Variants in PRELID2 observed in about 807,000 individuals in gnomAD.
The protein encoded by PRELID2 is PRELI domain containing 2, also known as PRELI domain-containing protein 2.
Under a neutral mutation model 28.4 loss-of-function variants are expected in PRELID2, and 25 were observed. That is an observed-to-expected ratio of 0.88 (90% CI 0.64 to 1.23). The LOEUF (loss-of-function observed/expected upper bound fraction) is 1.23. PRELID2 is among the 50% of genes most tolerant of loss of function. PRELID2 has a pLI of 0.00. For synonymous variants in PRELID2, 76 were observed against 71.6 expected (o/e 1.06, Z -0.31); for missense variants, 201 against 214.4 (o/e 0.94, Z 0.39).
chr5:145,236,952 G>A, the PRELID2 span, among the ~76,000 whole-genome samples: 4 of 152,120 alleles, frequency 2.6e-5, no homozygotes, highest in Non-Finnish European at 4.4e-5. Flanking sequence ...ACTCATTTTG[G>A]TTATCAATCC....
intron 1 of PRELID2, among the ~76,000 whole-genome samples, chr5:145,823,711 T>C (rs1045884323): frequency 3.9e-5 from 6 of 152,200 alleles, no homozygotes; most frequent in African/African-American, 9.7e-5. Context: ...CACAGTAGCA[T>C]AGTCATAGAA....
rs181341199 is a variant in PRELID2, at chr5:145,576,997, C to T, written n.71-103682G>A. Among the ~76,000 whole-genome samples the T allele has an allele frequency of 9.2e-5, 14 of 152,200 alleles. 1 individual carries two copies. The highest frequency in any genetic ancestry group is 7.2e-4 in the Admixed American group (11 of 15,274). ...CTGTCCAGCATTATGCTTGTTGCAGCGTTCCTGAATTTAAGGCACTTCCCA... is the reference window on the plus strand; with the variant it reads ...CTGTCCAGCATTATGCTTGTTGCAGTGTTCCTGAATTTAAGGCACTTCCCA... On this transcript the variant is annotated intron_variant and non_coding_transcript_variant, in intron 1 of 2. Transcript: ENST00000510259.
intron 1 of PRELID2, among the ~76,000 whole-genome samples, chr5:145,519,283 C>T (rs1580966073): frequency 6.6e-6 from 1 of 152,152 alleles, no homozygotes; most frequent in African/African-American, 2.4e-5. Flanking sequence ...TAAGAGGTAT[C>T]TTGAATGTGC....
chr5:145,392,273 G>C, the PRELID2 span, among the ~76,000 whole-genome samples: 3 of 142,494 alleles, frequency 2.1e-5, no homozygotes, highest in Admixed American at 1.4e-4. Flanking sequence ...AATCATGACA[G>C]AAAGGGAAGC....
chr5:145,722,167 A>G (rs1233854534), intron 1 of PRELID2, among the ~76,000 whole-genome samples: 2 of 152,210 alleles, frequency 1.3e-5, no homozygotes, highest in Non-Finnish European at 2.9e-5. Context: ...AGCATTTACA[A>G]AATTGATCAA....
intron 4 of PRELID2, among the ~76,000 whole-genome samples, chr5:145,812,732 G>A (rs1326779888): frequency 1.3e-5 from 2 of 152,198 alleles, no homozygotes; most frequent in Non-Finnish European, 2.9e-5. Flanking sequence ...CTTCCCTGAG[G>A]CATGGAGTGC....
the PRELID2 span, among the ~76,000 whole-genome samples, chr5:145,247,921 G>GGTTCCCT: frequency 1.3e-5 from 2 of 151,996 alleles, no homozygotes; most frequent in African/African-American, 2.4e-5. Context: ...ACTTGCTAGT[G>GGTTCCCT]GTTCCCTGTT....
chr5:145,239,903 G>A, the PRELID2 span, among the ~76,000 whole-genome samples: 2 of 151,998 alleles, frequency 1.3e-5, no homozygotes, highest in African/African-American at 4.8e-5. Context: ...ACAACTAAAT[G>A]TGATTGATAG....
At chr5:145,690,679 A>G (rs1382315833) in intron 1 of PRELID2, among the ~76,000 whole-genome samples, 1 of 152,158 alleles carries the variant, frequency 6.6e-6, no homozygotes, top group South Asian at 2.1e-4. Flanking sequence ...TGATTACTGC[A>G]TTTCCTTTTT....
chr5:145,724,596 AATAAATATATAT>A (rs1326264783), intron 1 of PRELID2, among the ~76,000 whole-genome samples: 8 of 28,354 alleles, frequency 2.8e-4, no homozygotes, highest in South Asian at 1.4e-3. Flanking sequence ...ACAAGAAGTA[AATAAATATATAT>A]ATATATATAT....
At chr5:145,621,657 G>T (rs1227680017) in intron 1 of PRELID2, among the ~76,000 whole-genome samples, 1 of 152,202 alleles carries the variant, frequency 6.6e-6, no homozygotes, top group African/African-American at 2.4e-5. Context: ...CCTGGAAGAA[G>T]ACAGTAGAAT....
At chr5:145,652,689 C>G (rs993792360) in intron 1 of PRELID2, among the ~76,000 whole-genome samples, 6 of 152,284 alleles carry the variant, frequency 3.9e-5, no homozygotes, top group African/African-American at 1.4e-4. Context: ...CCTTTACAGA[C>G]AAGCAAATGC....
chr5:145,515,368 C>T lies in PRELID2; in HGVS notation n.71-42053G>A, dbSNP rs182332729. ...AACTGCCATCAGAGAATACTTTAAACACATCTATGCAAATAAACTAGAAAA... is the reference window on the plus strand; with the variant it reads ...AACTGCCATCAGAGAATACTTTAAATACATCTATGCAAATAAACTAGAAAA... On this transcript the variant is annotated intron_variant and non_coding_transcript_variant, in intron 1 of 2. Transcript: ENST00000510259. 8.1e-4 allele frequency among the ~76,000 whole-genome samples: 124 copies of T among 152,306 alleles called. No homozygotes were observed. In the Middle Eastern group the frequency reaches 0.01, roughly 13 times the overall value.
Position 145,651,416 on chromosome 5 carries a change from T to C in PRELID2, n.70+113515A>G, listed in dbSNP as rs563793115. On this transcript the variant is annotated intron_variant and non_coding_transcript_variant, in intron 1 of 2. Transcript: ENST00000510259. ...ACAGCATTGAATAGAGTAGTGGTTC[T>C]CCCAGCACGGAGTCTGAGATCTGAG... Among the ~76,000 whole-genome samples the C allele has an allele frequency of 6.6e-5, 10 of 152,248 alleles. No individual in the cohort carries two copies. In the South Asian group the frequency reaches 2.1e-3, roughly 32 times the overall value.
the PRELID2 span, among the ~76,000 whole-genome samples, chr5:145,330,071 A>C: frequency 6.6e-6 from 1 of 152,172 alleles, no homozygotes; most frequent in Non-Finnish European, 1.5e-5. Context: ...ATGATGGATT[A>C]TGTTTTTTGA....
intron 1 of PRELID2, among the ~76,000 whole-genome samples, chr5:145,500,054 C>A (rs775852826): frequency 1.3e-5 from 2 of 152,152 alleles, no homozygotes; most frequent in Non-Finnish European, 2.9e-5. Flanking sequence ...AATTATTCTG[C>A]CCTTGCTGTT....
intron 1 of PRELID2, among the ~76,000 whole-genome samples, chr5:145,639,889 A>G (rs1581019598): frequency 6.6e-6 from 1 of 152,176 alleles, no homozygotes; most frequent in Non-Finnish European, 1.5e-5. Context: ...AACTTAGCCT[A>G]TACTCCCAGA....
chr5:145,344,178 A>G, the PRELID2 span, among the ~76,000 whole-genome samples: 2 of 152,032 alleles, frequency 1.3e-5, no homozygotes, highest in Non-Finnish European at 2.9e-5. Flanking sequence ...TAACCATTAT[A>G]CCAGAATAAG....
At chr5:145,721,407 C>T (rs1282256828) in intron 1 of PRELID2, among the ~76,000 whole-genome samples, 1 of 152,084 alleles carries the variant, frequency 6.6e-6, no homozygotes, top group Non-Finnish European at 1.5e-5. Flanking sequence ...AAAGGCTAAC[C>T]AGCAGACAAG....
Sources: allele counts gnomAD v4.1 joint callset (sites outside exome capture counted in the v4.1 genomes callset), GRCh38; gene constraint gnomAD v4.1.1; transcripts MANE v1.5; gene names NCBI Gene and HGNC (gene_info 2026-07-23, HGNC 2026-07-21).